The following CCDC126 variants were observed in gnomAD, a reference collection of about 807,000 sequenced individuals.
CCDC126 encodes the protein coiled-coil domain containing 126.
A neutral mutation model predicts 11.7 loss-of-function variants in CCDC126; 5 were observed. The ratio of observed to expected loss-of-function variants is 0.43; its 90% CI spans 0.22 to 0.90. The LOEUF is 0.90. Among genes scored for constraint, CCDC126 ranks in the 40% least tolerant of loss-of-function variants. CCDC126 has a pLI of 0.27. For synonymous variants in CCDC126, 60 were observed against 61.9 expected, an observed-to-expected ratio of 0.97 and a Z score of 0.14; for missense variants, 150 against 163.1, an observed-to-expected ratio of 0.92 and a Z score of 0.44.
chr7:23,622,190 G>A (rs976334340), intron 3 of CCDC126, among the ~76,000 whole-genome samples: 4 of 152,112 alleles, frequency 2.6e-5, no homozygotes, highest in Non-Finnish European at 5.9e-5. Flanking sequence ...GGTAGAATTC[G>A]GCTGTGACTC....
intron 3 of CCDC126, among the ~76,000 whole-genome samples, chr7:23,626,329 C>T (rs1331918257): frequency 6.6e-6 from 1 of 152,092 alleles, no homozygotes; most frequent in Admixed American, 6.6e-5. Context: ...TAGAATTCTA[C>T]AATAACTTAA....
intron 3 of CCDC126, among the ~76,000 whole-genome samples, chr7:23,613,928 A>C (rs1249152661): frequency 6.6e-6 from 1 of 152,226 alleles, no homozygotes; most frequent in Non-Finnish European, 1.5e-5. Flanking sequence ...AAAATACTTT[A>C]TTGCTAAAAT....
At position 23,644,586 on chromosome 7, in the gene CCDC126, T is replaced by C. The variant is rs1783427125; in HGVS notation, c.*1471T>C. 1 of 152,586 alleles carries C rather than the reference T, an allele frequency of 6.6e-6. No homozygotes were observed. The highest frequency in any genetic ancestry group is 1.5e-5 in the Non-Finnish European group (1 of 67,974). The allele number at this position is 152,586 out of a possible 1,614,324, so 9.5% of individuals were successfully genotyped here. A position where few individuals can be genotyped will look rare whatever the true frequency, so the allele number is the denominator to read the frequency against. ...TACTGTCTACCTTTATGTGAAGAAA[T>C]TAATTATATGCCATTGCCAGGTAGA... On this transcript the variant is annotated 3_prime_UTR_variant, in exon 4 of 4. Transcript: ENST00000307471.
chr7:23,627,712 C>T (rs1345877709), intron 3 of CCDC126, among the ~76,000 whole-genome samples: 2 of 152,036 alleles, frequency 1.3e-5, no homozygotes, highest in Non-Finnish European at 2.9e-5. Flanking sequence ...GATCCTCCTG[C>T]TTCACCCTCC....
At chr7:23,622,626 C>T (rs1782934975) in intron 3 of CCDC126, 4 of 535,614 alleles carry the variant, frequency 7.5e-6, no homozygotes, top group South Asian at 5.5e-5. Flanking sequence ...CTAAGGATAG[C>T]CAAGGATCCA....
At chr7:23,621,790 AG>A (rs1382509992) in intron 3 of CCDC126, among the ~76,000 whole-genome samples, 1 of 152,182 alleles carries the variant, frequency 6.6e-6, no homozygotes, top group African/African-American at 2.4e-5. Context: ...TTTAGCATGA[AG>A]GCCTGTTGAA....
At chr7:23,616,638 A>G (rs767965303) in intron 3 of CCDC126, among the ~76,000 whole-genome samples, 1 of 152,022 alleles carries the variant, frequency 6.6e-6, no homozygotes, top group Non-Finnish European at 1.5e-5. Context: ...TCATCCCCCT[A>G]GGTTCCAGTG....
intron 3 of CCDC126, among the ~76,000 whole-genome samples, chr7:23,623,593 C>CAA (rs35474549): frequency 1.0e-4 from 11 of 107,832 alleles, no homozygotes; most frequent in Admixed American, 1.8e-4. Flanking sequence ...GAGACTGTCT[C>CAA]AAAAAAAAAA....
intron 2 of CCDC126, among the ~76,000 whole-genome samples, chr7:23,609,757 G>A (rs1225545427): frequency 6.6e-6 from 1 of 152,208 alleles, no homozygotes; most frequent in Non-Finnish European, 1.5e-5. Context: ...AGCTACTCGG[G>A]AGGCTGAGGC....
chr7:23,621,584 C>G (rs542020582), intron 3 of CCDC126, among the ~76,000 whole-genome samples: 77 of 152,286 alleles, frequency 5.1e-4, no homozygotes, highest in African/African-American at 1.8e-3. Context: ...TTTCTCCTGC[C>G]TGATTGCCCT....
intron 3 of CCDC126, among the ~76,000 whole-genome samples, chr7:23,636,898 G>C (rs1783236276): frequency 1.1e-5 from 1 of 93,048 alleles, no homozygotes; most frequent in Non-Finnish European, 2.3e-5. Flanking sequence ...CAGGAGGGAG[G>C]TGGGGGGGTC....
intron 2 of CCDC126, among the ~76,000 whole-genome samples, chr7:23,601,576 A>C (rs1782544869): frequency 6.6e-6 from 1 of 152,186 alleles, no homozygotes; most frequent in South Asian, 2.1e-4. Context: ...TCCTGTGCTG[A>C]AAGTTTGGAT....
intron 3 of CCDC126, among the ~76,000 whole-genome samples, chr7:23,623,306 A>G (rs1782955944): frequency 6.6e-6 from 1 of 152,044 alleles, no homozygotes; most frequent in Non-Finnish European, 1.5e-5. Flanking sequence ...TTTGTCTCAT[A>G]AAAATTTTAG....
At chr7:23,611,108 A>T (rs183327168) in intron 2 of CCDC126, 63 bp from the exon 3 acceptor site, 9 of 394,124 alleles carry the variant, frequency 2.3e-5, no homozygotes, top group African/African-American at 6.2e-5. Context: ...TTTTCTTTAT[A>T]GTCGTCTGTT....
intron 2 of CCDC126, among the ~76,000 whole-genome samples, chr7:23,606,159 CG>C (rs1465492079): frequency 6.6e-6 from 1 of 151,990 alleles, no homozygotes; most frequent in Non-Finnish European, 1.5e-5. Context: ...CCTGGGTTCA[CG>C]CCATTCTCCT....
intron 3 of CCDC126, among the ~76,000 whole-genome samples, chr7:23,614,314 C>T (rs752952043): frequency 6.6e-5 from 10 of 152,182 alleles, no homozygotes; most frequent in Non-Finnish European, 7.3e-5. Flanking sequence ...AAACTACTTT[C>T]TTTGCTCTTC....
chr7:23,607,229 G>A (rs1476908868), intron 2 of CCDC126, among the ~76,000 whole-genome samples: 2 of 152,182 alleles, frequency 1.3e-5, no homozygotes, highest in Non-Finnish European at 2.9e-5. Flanking sequence ...TTTTTAGATT[G>A]TAGACTGTTT....
intron 3 of CCDC126, among the ~76,000 whole-genome samples, chr7:23,638,288 G>A (rs951456578): frequency 1.3e-5 from 2 of 150,178 alleles, no homozygotes; most frequent in African/African-American, 4.9e-5. Context: ...GGAAGGGTGG[G>A]GAAAAAATTG....
At chr7:23,623,294 A>G (rs1380174487) in intron 3 of CCDC126, among the ~76,000 whole-genome samples, 3 of 151,840 alleles carry the variant, frequency 2.0e-5, no homozygotes, top group Non-Finnish European at 4.4e-5. Flanking sequence ...TGGAATTGAT[A>G]TTTTGTCTCA....
Sources: gnomAD v4.1 joint callset for allele counts (sites outside exome capture counted in the v4.1 genomes callset) on GRCh38, gnomAD v4.1.1 for gene constraint, MANE v1.5 for transcripts, NCBI Gene and HGNC (gene_info 2026-07-23, HGNC 2026-07-21) for gene names.